The following FERMT1 variants were observed in gnomAD, a reference collection of about 807,000 sequenced individuals.
FERMT1 encodes the protein FERM domain containing kindlin 1.
A neutral mutation model predicts 85.3 loss-of-function variants in FERMT1; 60 were observed. That is an observed-to-expected ratio of 0.70 (90% CI 0.57 to 0.87). The LOEUF is 0.87. Among genes scored for constraint, FERMT1 ranks in the 40% least tolerant of loss-of-function variants. The pLI, the probability that FERMT1 is intolerant of heterozygous loss-of-function variation, is 0.00. For synonymous variants in FERMT1, 275 were observed against 301.1 expected (o/e 0.91, Z 0.90); for missense variants, 701 against 818.9 (o/e 0.86, Z 1.76).
chr20:6,091,268 C>T (rs972690299), intron 9 of FERMT1, among the ~76,000 whole-genome samples: 3 of 151,994 alleles, frequency 2.0e-5, no homozygotes, highest in Admixed American at 1.3e-4. Flanking sequence ...CTTGCTCTGT[C>T]ACCCAGGCTG....
rs1568665723 is a variant in FERMT1, at chr20:6,115,975, TG to T, written c.220del (p.His74ThrfsTer31). The stretch of plus-strand genomic sequence containing the variant: ...GACCCCATATTTGTCCAGGGTCCAG[TG>T]GGTTTTCAGAAGCCAGCAATGCTTC... ...EQKHCWLLKTHWTLDKYGVQA... is the reference protein window; with the variant it reads ...EQKHCWLLKTXWTLDKYGVQA... On this transcript the variant is annotated frameshift_variant, in exon 3 of 15. Transcript: ENST00000217289. LOFTEE classifies it high-confidence loss of function. The T allele has an allele frequency of 1.2e-6, 2 of 1,614,150 alleles. No homozygotes were observed. Among genetic ancestry groups the T allele is most frequent in the South Asian group, 2.2e-5 (2 of 91,078 alleles).
Position 6,087,802 on chromosome 20 carries a change from T to C in FERMT1, c.1346A>G (p.Asn449Ser), listed in dbSNP as rs1982227530. ...KLLIPVADGM[N>S]EMYLRCDHEN... ...ATGGTCACATCTCAAATACATTTCA[T>C]TCATACCATCGGCAACAGGGATTAG... Residue 449 changes from asparagine (N) to serine (S), a missense_variant, in exon 11 of 15, where the codon AAT (asparagine) becomes AGT (serine). Physicochemically the swap from Asn to Ser is conservative, Grantham distance 46. Transcript: ENST00000217289. 4 of 1,602,642 alleles carry C rather than the reference T, an allele frequency of 2.5e-6. No homozygotes were observed. The African/African-American group carries it at 4.0e-5, about 16-fold the overall frequency.
intron 3 of FERMT1, 87 bp downstream of exon 3, chr20:6,115,724 A>C: frequency 1.0e-6 from 1 of 981,362 alleles, no homozygotes; most frequent in Non-Finnish European, 1.6e-6. Flanking sequence ...TGTAGCAATT[A>C]CTTGAAGTAG....
chr20:6,097,680 C>T lies in FERMT1; in HGVS notation c.850-49G>A, dbSNP rs1328460617. 2.4e-6 allele frequency: 3 copies of T among 1,246,122 alleles called. No individual in the cohort carries two copies. The Admixed American group carries it at 5.0e-5, about 21-fold the overall frequency. The allele number at this position is 1,246,122 out of a possible 1,614,324, so 77.2% of individuals were successfully genotyped here. On this transcript the variant is annotated intron_variant, in intron 6 of 14. Coordinates refer to ENST00000217289, the MANE Select transcript of FERMT1 (RefSeq NM_017671.5). ...TGTGTAATGAGGTATATTTATATCC[C>T]ACAATACAAAGATTCTGAAACAACT...
chr20:6,115,615 C>A (rs868664488), intron 3 of FERMT1, among the ~76,000 whole-genome samples, 196 bp downstream of exon 3: 1 of 152,128 alleles, frequency 6.6e-6, no homozygotes, highest in African/African-American at 2.4e-5. Context: ...GGAGATGTAC[C>A]TGATTTATGC....
chr20:6,102,266 C>G (rs1466769516), intron 6 of FERMT1, among the ~76,000 whole-genome samples: 4 of 151,356 alleles, frequency 2.6e-5, no homozygotes. Context: ...ATAGGACTTC[C>G]CCCCAATACC....
chr20:6,079,298 G>C (rs1981926771), intron 14 of FERMT1, 138 bp downstream of exon 14: 1 of 957,542 alleles, frequency 1.0e-6, no homozygotes, highest in Non-Finnish European at 1.7e-6. Flanking sequence ...GATGATTTTA[G>C]CAGACAGACA....
In FERMT1 at chr20:6,097,728, A is replaced by G. The variant is rs555607617; in HGVS notation, c.850-97T>C. On this transcript the variant is annotated intron_variant, in intron 6 of 14. Transcript: ENST00000217289. ...ACTGAGGCCATTCTCTGTTAATCAGATGCAGCAAACTTCAGCTCAGGTAAG... is the reference window on the plus strand; with the variant it reads ...ACTGAGGCCATTCTCTGTTAATCAGGTGCAGCAAACTTCAGCTCAGGTAAG... The G allele has an allele frequency of 5.3e-5, 46 of 870,004 alleles. 1 individual carries two copies. The Middle Eastern group carries it at 1.3e-3, about 25-fold the overall frequency. 53.9% of individuals were successfully genotyped at this position (870,004 alleles called of 1,614,324 possible).
chr20:6,106,076 T>C (rs1056112100), intron 6 of FERMT1, among the ~76,000 whole-genome samples: 2 of 152,060 alleles, frequency 1.3e-5, no homozygotes, highest in African/African-American at 2.4e-5. Flanking sequence ...ACAAAAAACC[T>C]GGACAGTTGC....
intron 3 of FERMT1, among the ~76,000 whole-genome samples, chr20:6,114,913 A>G (rs1326328660): frequency 6.8e-6 from 1 of 146,222 alleles, no homozygotes; most frequent in African/African-American, 2.4e-5. Context: ...ATTTACATTT[A>G]TTGGTTAGTG....
At chr20:6,089,647 C>T (rs1002596804) in intron 9 of FERMT1, among the ~76,000 whole-genome samples, 1 of 152,238 alleles carries the variant, frequency 6.6e-6, no homozygotes, top group Non-Finnish European at 1.5e-5. Flanking sequence ...GTTTCCTCTT[C>T]ACCCTTAAGA....
intron 9 of FERMT1, among the ~76,000 whole-genome samples, chr20:6,093,456 C>T (rs1210262307): frequency 1.3e-5 from 2 of 152,196 alleles, no homozygotes; most frequent in African/African-American, 2.4e-5. Context: ...TCAGAAACAT[C>T]TATAGGAAGG....
intron 12 of FERMT1, 58 bp downstream of exon 12, chr20:6,085,008 A>G: frequency 6.6e-7 from 1 of 1,513,670 alleles, no homozygotes; most frequent in South Asian, 1.1e-5. Flanking sequence ...TCCTCCTTTT[A>G]TTTCTGTTTG....
At chr20:6,111,270 G>C (rs900842456) in intron 4 of FERMT1, among the ~76,000 whole-genome samples, 4 of 152,206 alleles carry the variant, frequency 2.6e-5, no homozygotes, top group Admixed American at 6.5e-5. Context: ...GTAGGCTGAT[G>C]ATTTATAAAT....
At position 6,099,985 on chromosome 20, in the gene FERMT1, G is replaced by GA. The variant is rs534444380; in HGVS notation, c.850-2355dup. On this transcript the variant is annotated intron_variant, in intron 6 of 14. Transcript: ENST00000217289. ...TGGGTGACAGAGAGAGACTATCTCA[G>GA]AAAAAAAAAAAAGAGAGAGAAAATG... Among the ~76,000 whole-genome samples the GA allele has an allele frequency of 7.0e-3, 961 of 137,874 alleles. 5 individuals are homozygous for GA. The highest frequency in any genetic ancestry group is 0.02 in the African/African-American group (766 of 37,836). The allele number at this position is 137,874 out of a possible 152,430, so 90.5% of individuals were successfully genotyped here.
rs1982277724 is a variant in FERMT1, at chr20:6,089,199, G to A, written c.1140-110C>T. On this transcript the variant is annotated intron_variant, in intron 9 of 14. Coordinates refer to ENST00000217289, the MANE Select transcript of FERMT1 (RefSeq NM_017671.5). ...GTTTGTGTCAAAGAAAACACACTTT[G>A]TTTTTTCAAAAATAATTTCAAATTG... The A allele has an allele frequency of 3.6e-6, 4 of 1,102,284 alleles. No individual in the cohort carries two copies. The East Asian group carries it at 7.5e-5, about 21-fold the overall frequency. 68.3% of individuals were successfully genotyped at this position (1,102,284 alleles called of 1,614,324 possible).
intron 9 of FERMT1, among the ~76,000 whole-genome samples, chr20:6,091,428 T>TCATCAA (rs1982361247): frequency 6.6e-6 from 1 of 151,690 alleles, no homozygotes; most frequent in South Asian, 2.1e-4. Flanking sequence ...TGGGGTTTCA[T>TCATCAA]CATGTTGGCT....
In FERMT1 at chr20:6,076,939, T is replaced by C. The variant is rs959952779; in HGVS notation, c.*234A>G. ...AATCTTAGGGCACCTGCTTTTCTCC[T>C]GCCTACCCATTTTATAGAAAAAACA... On this transcript the variant is annotated 3_prime_UTR_variant, in exon 15 of 15. Coordinates refer to ENST00000217289, the MANE Select transcript of FERMT1 (RefSeq NM_017671.5). 5.5e-5 allele frequency: 31 copies of C among 563,696 alleles called. No individual in the cohort carries two copies. In the African/African-American group the frequency reaches 5.6e-4, roughly 10 times the overall value. 34.9% of individuals were successfully genotyped at this position (563,696 alleles called of 1,614,324 possible). A position where few individuals can be genotyped will look rare whatever the true frequency, so the allele number is the denominator to read the frequency against.
chr20:6,107,654 GT>G lies in FERMT1; in HGVS notation c.747-21del. 2.1e-6 allele frequency: 3 copies of G among 1,416,994 alleles called. No individual in the cohort carries two copies. Among genetic ancestry groups the G allele is most frequent in the South Asian group, 1.2e-5 (1 of 86,946 alleles). 87.8% of individuals were successfully genotyped at this position (1,416,994 alleles called of 1,614,324 possible). A position where few individuals can be genotyped will look rare whatever the true frequency, so the allele number is the denominator to read the frequency against. On this transcript the variant is annotated intron_variant, in intron 5 of 14. Coordinates refer to ENST00000217289, the MANE Select transcript of FERMT1 (RefSeq NM_017671.5). The stretch of plus-strand genomic sequence containing the variant: ...AGCCAACTAGAAAATGACAGCATGA[GT>G]TTTAGAAGCCAGTCAATTTTACATA...
Sources: gnomAD v4.1 joint callset for allele counts (sites outside exome capture counted in the v4.1 genomes callset) on GRCh38, gnomAD v4.1.1 for gene constraint, MANE v1.5 for transcripts, NCBI Gene and HGNC (gene_info 2026-07-23, HGNC 2026-07-21) for gene names.